CTNNA2: variants seen among roughly 807,000 people sequenced by gnomAD.
The protein encoded by CTNNA2 is catenin alpha-2.
CTNNA2 carries 42 observed loss-of-function variants against 101.0 expected under a neutral mutation model. The ratio of observed to expected loss-of-function variants is 0.42; its 90% CI spans 0.32 to 0.54. CTNNA2 has a LOEUF of 0.54. Among genes scored for constraint, CTNNA2 ranks in the 20% least tolerant of loss-of-function variants. The probability of loss-of-function intolerance (pLI) is 0.14; values close to 1 mark genes in which losing one functional copy is unlikely to be tolerated. For synonymous variants in CTNNA2, 450 were observed against 456.4 expected, an observed-to-expected ratio of 0.99 and a Z score of 0.18; for missense variants, 871 against 1,223.1, an observed-to-expected ratio of 0.71 and a Z score of 4.29.
chr2:79,993,243 G>C (rs941284585), intron 7 of CTNNA2, among the ~76,000 whole-genome samples: 1 of 152,164 alleles, frequency 6.6e-6, no homozygotes, highest in African/African-American at 2.4e-5. Context: ...CATGAGCATT[G>C]TGGTTAAACT....
At chr2:80,559,132 A>T (rs1029152236) in intron 12 of CTNNA2, among the ~76,000 whole-genome samples, 1 of 152,166 alleles carries the variant, frequency 6.6e-6, no homozygotes, top group Non-Finnish European at 1.5e-5. Flanking sequence ...GGGCAAAATA[A>T]TGTGCACTGA....
At chr2:80,339,381 G>A (rs981634390) in intron 7 of CTNNA2, among the ~76,000 whole-genome samples, 14 of 152,124 alleles carry the variant, frequency 9.2e-5, no homozygotes, top group Admixed American at 9.2e-4. Context: ...TCAGCAGATA[G>A]AATATTTGAT....
Position 79,306,828 on chromosome 2 carries a change from A to G in CTNNA2, c.-405-5881A>G, listed in dbSNP as rs115911490. On this transcript the variant is annotated intron_variant, in intron 2 of 21. Coordinates refer to the CTNNA2 transcript ENST00000466387. ...TTGCCAGGCAAATGGCTATAAGATG[A>G]TGTATTAACATTATTTTGAATTGCA... Among the ~76,000 whole-genome samples, 193 of 152,302 alleles carry G rather than the reference A, an allele frequency of 1.3e-3. 2 individuals are homozygous for G. The highest frequency in any genetic ancestry group is 4.5e-3 in the African/African-American group (187 of 41,574).
intron 2 of CTNNA2, among the ~76,000 whole-genome samples, chr2:79,277,789 G>A (rs1048889904): frequency 5.3e-5 from 8 of 151,982 alleles, no homozygotes; most frequent in Admixed American, 1.3e-4. Context: ...TCATCATTAC[G>A]TTAAGCTACA....
At chr2:80,051,691 C>CT (rs777207981) in intron 7 of CTNNA2, among the ~76,000 whole-genome samples, 27 of 152,150 alleles carry the variant, frequency 1.8e-4, no homozygotes, top group South Asian at 6.2e-4. Context: ...AAAAGGAACT[C>CT]TTTTTCCCCC....
intron 7 of CTNNA2, among the ~76,000 whole-genome samples, chr2:80,235,069 G>A (rs1355807170): frequency 6.6e-6 from 1 of 152,020 alleles, no homozygotes; most frequent in Non-Finnish European, 1.5e-5. Flanking sequence ...CAATTCTTAT[G>A]TTTATTAAAA....
At chr2:80,421,105 G>A (rs1680487397) in intron 9 of CTNNA2, among the ~76,000 whole-genome samples, 1 of 152,126 alleles carries the variant, frequency 6.6e-6, no homozygotes, top group Admixed American at 6.5e-5. Context: ...GAAGGGGAAG[G>A]CGGAGAAGGA....
At chr2:79,423,655 T>C (rs1173325400) in intron 4 of CTNNA2, among the ~76,000 whole-genome samples, 1 of 152,174 alleles carries the variant, frequency 6.6e-6, no homozygotes, top group African/African-American at 2.4e-5. Flanking sequence ...ACTTTATAGA[T>C]TGTTTATTTC....
chr2:80,540,457 CGTAGTGTTGGGTGCCT>C (rs1404275619), intron 9 of CTNNA2, among the ~76,000 whole-genome samples: 3 of 151,826 alleles, frequency 2.0e-5, no homozygotes, highest in Admixed American at 2.0e-4. Context: ...ATTAGCCAGG[CGTAGTGTTGGGTGCCT>C]GTAACCCCAG....
At chr2:79,371,206 G>A (rs1247746303) in intron 3 of CTNNA2, among the ~76,000 whole-genome samples, 3 of 152,030 alleles carry the variant, frequency 2.0e-5, no homozygotes, top group Non-Finnish European at 2.9e-5. Flanking sequence ...AAAGGCCCAC[G>A]GGGTGTTTTA....
intron 1 of CTNNA2, among the ~76,000 whole-genome samples, chr2:79,632,939 A>C (rs923449375): frequency 1.3e-5 from 2 of 152,208 alleles, no homozygotes; most frequent in Non-Finnish European, 2.9e-5. Context: ...TATAGATGGC[A>C]TGAAAAAGAG....
At chr2:80,322,777 G>C (rs897116180) in intron 7 of CTNNA2, among the ~76,000 whole-genome samples, 1 of 152,052 alleles carries the variant, frequency 6.6e-6, no homozygotes, top group African/African-American at 2.4e-5. Context: ...CTTCTCACTC[G>C]GTGCCACTCG....
chr2:79,570,766 T>C (rs958828717), intron 1 of CTNNA2, among the ~76,000 whole-genome samples: 2 of 152,046 alleles, frequency 1.3e-5, no homozygotes, highest in African/African-American at 4.8e-5. Context: ...CAGAGGAAAA[T>C]AGAGCATGAA....
intron 1 of CTNNA2, among the ~76,000 whole-genome samples, chr2:79,645,522 G>T (rs1051761581): frequency 3.3e-5 from 5 of 152,066 alleles, no homozygotes; most frequent in Admixed American, 3.3e-4. Context: ...GCAATTCAGG[G>T]TTTTCAGACT....
chr2:79,984,573 T>C (rs1460450049), intron 7 of CTNNA2, among the ~76,000 whole-genome samples: 1 of 152,236 alleles, frequency 6.6e-6, no homozygotes, highest in Non-Finnish European at 1.5e-5. Context: ...TGCCAAAATG[T>C]ACTTTAGGAA....
intron 2 of CTNNA2, among the ~76,000 whole-genome samples, chr2:79,306,492 A>T (rs192367421): frequency 1.8e-3 from 272 of 152,286 alleles, no homozygotes; most frequent in African/African-American, 6.4e-3. Flanking sequence ...AAATAAAATT[A>T]AAAAAGGCAA....
At chr2:79,963,872 G>A (rs1409974512) in intron 7 of CTNNA2, among the ~76,000 whole-genome samples, 2 of 152,162 alleles carry the variant, frequency 1.3e-5, no homozygotes, top group Non-Finnish European at 2.9e-5. Context: ...CAAGCAAGTA[G>A]CGTTTATCTT....
At chr2:79,910,279 A>G (rs950354925) in intron 7 of CTNNA2, among the ~76,000 whole-genome samples, 3 of 152,204 alleles carry the variant, frequency 2.0e-5, no homozygotes, top group Non-Finnish European at 1.5e-5. Context: ...TTCTAAATGT[A>G]GTAAAATTTG....
intron 2 of CTNNA2, among the ~76,000 whole-genome samples, chr2:79,213,354 G>C (rs1290910271): frequency 6.6e-6 from 1 of 152,282 alleles, no homozygotes; most frequent in Non-Finnish European, 1.5e-5. Context: ...GGACCCTTGT[G>C]TAGTGAGGAA....
Sources: gnomAD v4.1 joint callset for allele counts (sites outside exome capture counted in the v4.1 genomes callset) on GRCh38, gnomAD v4.1.1 for gene constraint, MANE v1.5 for transcripts, NCBI Gene and HGNC (gene_info 2026-07-23, HGNC 2026-07-21) for gene names.